Variants in ACTN4 observed in about 807,000 individuals in gnomAD.
The protein encoded by ACTN4 is actinin alpha 4.
In ACTN4, 18 loss-of-function variants were observed where a neutral mutation model predicts 114.2. The ratio of observed to expected loss-of-function variants is 0.16; its 90% CI spans 0.11 to 0.23. The LOEUF is 0.23. ACTN4 is among the 10% of genes least tolerant of loss of function. The pLI, the probability that ACTN4 is intolerant of heterozygous loss-of-function variation, is 1.00. For synonymous variants in ACTN4, 515 were observed against 506.3 expected, an observed-to-expected ratio of 1.02 and a Z score of -0.23; for missense variants, 722 against 1,262.9, an observed-to-expected ratio of 0.57 and a Z score of 6.49.
In ACTN4 at chr19:38,723,684, C is replaced by T. The variant is rs1462357411; in HGVS notation, c.1513C>T (p.Leu505Phe). ...GAAGATCTGTGACCAGTGGGACGCC[C>T]TCGGCTCTCTGACACATAGTCGCAG... is the stretch of plus-strand genomic sequence containing the variant. ...CQKICDQWDA[L>F]GSLTHSRREA... is the part of the protein sequence containing the mutation. The change falls in exon 13 of 21, where the codon CTC becomes TTC. Residue 505 changes from leucine to phenylalanine, a missense_variant. By Grantham distance (22) the Leu-to-Phe change is conservative. Around this residue, in one of 3 missense-constraint regions of ACTN4, gnomAD observed 523 missense variants for 875.9 expected, o/e 0.60. Coordinates refer to ENST00000252699, the MANE Select transcript of ACTN4 (RefSeq NM_004924.6). The T allele has an allele frequency of 1.2e-6, 2 of 1,612,982 alleles. No homozygotes were observed. The highest frequency in any genetic ancestry group is 2.2e-5 in the East Asian group (1 of 44,872).
At chr19:38,681,498 G>C (rs1280539335) in intron 1 of ACTN4, among the ~76,000 whole-genome samples, 1 of 152,144 alleles carries the variant, frequency 6.6e-6, no homozygotes, top group African/African-American at 2.4e-5. Flanking sequence ...CTTCTCCTGG[G>C]GTCCCCAAAC....
intron 1 of ACTN4, among the ~76,000 whole-genome samples, chr19:38,650,433 C>T (rs2144814320): frequency 6.6e-6 from 1 of 152,206 alleles, no homozygotes; most frequent in Non-Finnish European, 1.5e-5. Flanking sequence ...CCTCCCAGCT[C>T]CCTTCCTCTG....
chr19:38,695,906 G>A (rs532878488), intron 1 of ACTN4, among the ~76,000 whole-genome samples: 1 of 152,088 alleles, frequency 6.6e-6, no homozygotes, highest in African/African-American at 2.4e-5. Context: ...CACAAACTCG[G>A]CCCCAGGAGC....
chr19:38,714,432 A>G, intron 8 of ACTN4, 37 bp from the exon 9 acceptor site: 1 of 1,602,180 alleles, frequency 6.2e-7, no homozygotes, highest in South Asian at 1.1e-5. Flanking sequence ...GAGGGTGGCC[A>G]GCCCCCAGGC....
At chr19:38,669,950 A>G in intron 1 of ACTN4, among the ~76,000 whole-genome samples, 1 of 152,168 alleles carries the variant, frequency 6.6e-6, no homozygotes, top group East Asian at 1.9e-4. Flanking sequence ...TCTTCAATGT[A>G]TGGAAACTTC....
chr19:38,727,090 A>G lies in ACTN4; in HGVS notation c.2324A>G (p.Asn775Ser). The change falls in exon 18 of 21, where the codon AAC becomes AGC. Residue 775 changes from asparagine to serine, a missense_variant. Physicochemically the swap from Asn to Ser is conservative, Grantham distance 46. This residue lies in a region of ACTN4 where 523 missense variants were observed against 875.9 expected (regional missense o/e 0.60). Transcript: ENST00000252699. The surrounding 1 kb of genome is among the most constrained non-coding windows in gnomAD (Gnocchi z 5.4). ...ATGCAGGAGTTCCGGGCGTCCTTCA[A>G]CCACTTCGACAAGGTGAGCAGCCTG... ...EQMQEFRASF[N>S]HFDKDHGGAL... 6.2e-7 allele frequency: 1 copy of G among 1,613,872 alleles called. No homozygotes were observed. The highest frequency in any genetic ancestry group is 2.2e-5 in the East Asian group (1 of 44,872).
At position 38,714,512 on chromosome 19, in the gene ACTN4, A is replaced by G. The variant is rs374345646; in HGVS notation, c.863A>G (p.Asn288Ser). The change falls in exon 9 of 21, where the codon AAC (asparagine) becomes AGC (serine). Residue 288 changes from asparagine to serine, a missense_variant. Asn to Ser is a conservative substitution (Grantham distance 46). This residue lies in a region of ACTN4 where 523 missense variants were observed against 875.9 expected (regional missense o/e 0.60). Transcript: ENST00000252699. ...CGGATCTGTAAGGTGCTGGCTGTCA[A>G]CCAAGAGAACGAGCACCTGATGGAG... ...ANRICKVLAV[N>S]QENEHLMEDY... is the part of the protein sequence containing the mutation. The G allele has an allele frequency of 8.1e-6, 13 of 1,613,906 alleles. No individual in the cohort carries two copies. Among genetic ancestry groups the G allele is most frequent in the Non-Finnish European group, 9.3e-6 (11 of 1,180,020 alleles).
chr19:38,707,028 G>C (rs1259069186), intron 5 of ACTN4, among the ~76,000 whole-genome samples: 1 of 152,192 alleles, frequency 6.6e-6, no homozygotes, highest in Non-Finnish European at 1.5e-5. Context: ...CACCCTCTGA[G>C]TCTCCTGGAT....
rs34899917 is a variant in ACTN4 at position 38,691,401 on chromosome 19, C to CAAAAAA, written c.163-9191_163-9186dup. On this transcript the variant is annotated intron_variant, in intron 1 of 20. Coordinates refer to ENST00000252699, the MANE Select transcript of ACTN4 (RefSeq NM_004924.6). ...GGGCAACAAAAGTGAAACTCCGTCT[C>CAAAAAA]AAAAAAAAAAAAACAAAAAAAACAA... is the stretch of plus-strand genomic sequence containing the variant. Among the ~76,000 whole-genome samples, 9 of 52,876 alleles carry CAAAAAA rather than the reference C, an allele frequency of 1.7e-4. No individual in the cohort carries two copies. The East Asian group carries it at 2.2e-3, about 13-fold the overall frequency. 34.7% of individuals were successfully genotyped at this position (52,876 alleles called of 152,430 possible).
In ACTN4 at chr19:38,725,807, G is replaced by C. The variant is rs1265399605; in HGVS notation, c.2094G>C (p.Val698=). The stretch of plus-strand genomic sequence containing the variant: ...TGAAGCAGTATGAACGCAGCATCGT[G>C]GACTACAAGCCCAACCTGGACCTGC... ...SHLKQYERSI[V]DYKPNLDLLE... The change falls in exon 17 of 21, where the codon GTG becomes GTC. Residue 698 remains valine, a synonymous_variant. Coordinates refer to ENST00000252699, the MANE Select transcript of ACTN4 (RefSeq NM_004924.6). The C allele has an allele frequency of 6.2e-7, 1 of 1,614,152 alleles. No individual in the cohort carries two copies. Among genetic ancestry groups the C allele is most frequent in the Non-Finnish European group, 8.5e-7 (1 of 1,180,034 alleles).
chr19:38,698,920 T>C (rs1968178694), intron 1 of ACTN4, among the ~76,000 whole-genome samples: 1 of 152,214 alleles, frequency 6.6e-6, no homozygotes, highest in Non-Finnish European at 1.5e-5. Flanking sequence ...TCAAAACACA[T>C]GGTGCTTGGT....
At chr19:38,685,034 C>G (rs192785017) in intron 1 of ACTN4, among the ~76,000 whole-genome samples, 1 of 152,174 alleles carries the variant, frequency 6.6e-6, no homozygotes, top group South Asian at 2.1e-4. Flanking sequence ...CAACCTCTGC[C>G]TCCTGGGTTC....
chr19:38,713,231 C>G (rs1968722052), intron 8 of ACTN4, among the ~76,000 whole-genome samples: 1 of 152,232 alleles, frequency 6.6e-6, no homozygotes, highest in South Asian at 2.1e-4. Context: ...CCTTTATTCA[C>G]TCACTCATTC....
At chr19:38,682,555 T>G (rs2144927024) in intron 1 of ACTN4, among the ~76,000 whole-genome samples, 1 of 152,286 alleles carries the variant, frequency 6.6e-6, no homozygotes, top group Non-Finnish European at 1.5e-5. Context: ...CCCCAGGTCC[T>G]TTTAGTTCTC....
chr19:38,704,075 G>C (rs1968373274), intron 3 of ACTN4, among the ~76,000 whole-genome samples: 1 of 152,232 alleles, frequency 6.6e-6, no homozygotes, highest in African/African-American at 2.4e-5. Flanking sequence ...CACTTTGGGA[G>C]GCCAAGGCAG....
At chr19:38,705,223 G>C (rs187258416) in intron 4 of ACTN4, among the ~76,000 whole-genome samples, 1 of 152,278 alleles carries the variant, frequency 6.6e-6, no homozygotes, top group Non-Finnish European at 1.5e-5. Context: ...AGTGCCTTCC[G>C]AGTGCCTTTG....
chr19:38,677,419 G>A (rs1243387497), intron 1 of ACTN4, among the ~76,000 whole-genome samples: 2 of 151,928 alleles, frequency 1.3e-5, no homozygotes, highest in African/African-American at 4.8e-5. Context: ...TTTTCAAGTG[G>A]GCAGAAGATG....
intron 1 of ACTN4, among the ~76,000 whole-genome samples, chr19:38,667,398 C>T (rs558358793): frequency 1.4e-4 from 22 of 151,768 alleles, no homozygotes; most frequent in Non-Finnish European, 2.2e-4. Context: ...AAAATCCTAG[C>T]GGGAGAAAAA....
Position 38,717,349 on chromosome 19 carries a change from GA to G in ACTN4, c.1143+34del. ...CCAGGATTCACATGGGAGCAGCTGT[GA>G]GGGGCAGAGGCAGCCCTAGAACTGC... On this transcript the variant is annotated intron_variant, in intron 10 of 20. Coordinates refer to ENST00000252699, the MANE Select transcript of ACTN4 (RefSeq NM_004924.6). This position sits in a 1 kb window ranked among gnomAD's most constrained non-coding sequence, Gnocchi z 4.0. 6.2e-7 allele frequency: 1 copy of G among 1,605,704 alleles called. No individual in the cohort carries two copies. The highest frequency in any genetic ancestry group is 8.5e-7 in the Non-Finnish European group (1 of 1,176,670).
Sources: gnomAD v4.1 joint callset for allele counts (sites outside exome capture counted in the v4.1 genomes callset) on GRCh38, gnomAD v4.1.1 for gene constraint, gnomAD v4.1.1 regional missense constraint, Gnocchi (gnomAD v3.1) non-coding constraint, MANE v1.5 for transcripts, NCBI Gene and HGNC (gene_info 2026-07-23, HGNC 2026-07-21) for gene names.